Variants in LINGO2 observed in about 807,000 individuals in gnomAD.
LINGO2 encodes leucine-rich repeat and immunoglobulin-like domain-containing nogo receptor-interacting protein 2.
Under a neutral mutation model 30.6 loss-of-function variants are expected in LINGO2, and 14 were observed. The observed-to-expected ratio is 0.46, with a 90% confidence interval of 0.30 to 0.72. The LOEUF (loss-of-function observed/expected upper bound fraction) is 0.72, where lower values mean the gene tolerates loss of function less well. Ranked by LOEUF, LINGO2 falls within the 30% of genes least tolerant of loss-of-function variation. The pLI is 0.07. For synonymous variants in LINGO2, 317 were observed against 288.5 expected (o/e 1.10, Z -1.00); for missense variants, 729 against 751.7 (o/e 0.97, Z 0.35).
At chr9:29,184,137 T>G in the LINGO2 span, among the ~76,000 whole-genome samples, 7 of 152,288 alleles carry the variant, frequency 4.6e-5, no homozygotes, top group South Asian at 1.2e-3. Flanking sequence ...TGCTCAACTG[T>G]GCTCTGCTGT....
intron 4 of LINGO2, among the ~76,000 whole-genome samples, chr9:28,070,445 A>T (rs1184084153): frequency 2.0e-5 from 3 of 152,182 alleles, no homozygotes; most frequent in Non-Finnish European, 4.4e-5. Flanking sequence ...ATACATGTGC[A>T]AATAATCATT....
the LINGO2 span, among the ~76,000 whole-genome samples, chr9:29,074,879 T>C: frequency 6.6e-6 from 1 of 151,684 alleles, no homozygotes; most frequent in African/African-American, 2.4e-5. Flanking sequence ...GGCTTCACTG[T>C]GTTAGCCAGG....
At chr9:29,143,344 A>C in the LINGO2 span, among the ~76,000 whole-genome samples, 2 of 152,130 alleles carry the variant, frequency 1.3e-5, no homozygotes, top group Admixed American at 1.3e-4. Flanking sequence ...AACCAGAAAG[A>C]TTCCAAATAA....
the LINGO2 span, among the ~76,000 whole-genome samples, chr9:29,169,294 T>A: frequency 6.6e-6 from 1 of 152,114 alleles, no homozygotes. Flanking sequence ...GAAGAAATGT[T>A]AGAGACTATT....
the LINGO2 span, among the ~76,000 whole-genome samples, chr9:28,926,178 G>A: frequency 6.6e-6 from 1 of 152,166 alleles, no homozygotes; most frequent in Non-Finnish European, 1.5e-5. Flanking sequence ...GCCGGGGACA[G>A]TGGCGCATGC....
At chr9:28,005,000 G>A (rs1194629998) in intron 5 of LINGO2, among the ~76,000 whole-genome samples, 6 of 152,180 alleles carry the variant, frequency 3.9e-5, no homozygotes, top group Admixed American at 1.3e-4. Flanking sequence ...CATATGCAGC[G>A]AGGCTGCCTT....
chr9:28,328,181 A>C (rs1406284188), intron 3 of LINGO2, among the ~76,000 whole-genome samples: 1 of 152,200 alleles, frequency 6.6e-6, no homozygotes, highest in East Asian at 1.9e-4. Flanking sequence ...GTGTAGTAGA[A>C]ATGAGACAAC....
intron 3 of LINGO2, among the ~76,000 whole-genome samples, chr9:28,325,776 C>A (rs1587470435): frequency 6.6e-6 from 1 of 152,064 alleles, no homozygotes; most frequent in Non-Finnish European, 1.5e-5. Flanking sequence ...CCTTTATAGG[C>A]AGTGTGAAAA....
intron 1 of LINGO2, among the ~76,000 whole-genome samples, chr9:28,492,539 A>C (rs1826440078): frequency 6.6e-6 from 1 of 152,172 alleles, no homozygotes; most frequent in African/African-American, 2.4e-5. Context: ...GTCAAGCTTA[A>C]TGTTGGTTGT....
intron 2 of LINGO2, among the ~76,000 whole-genome samples, chr9:28,438,921 T>C (rs971800345): frequency 1.6e-5 from 2 of 127,702 alleles, no homozygotes; most frequent in African/African-American, 5.2e-5. Context: ...TAATGAAATA[T>C]ATATCTATAC....
At chr9:28,754,003 A>AAT in the LINGO2 span, among the ~76,000 whole-genome samples, 25 of 119,598 alleles carry the variant, frequency 2.1e-4, no homozygotes, top group Admixed American at 1.2e-3. Flanking sequence ...ATTAAATGAG[A>AAT]ATACACACAC....
rs560262557 is a variant in LINGO2 at position 28,487,244 on chromosome 9, T to C, written c.-364-11219A>G. ...TCTAAGAGTTTATAGAACACTGAAATCTTTTGATAAATATTCTTTTAGTAT... is the reference window on the plus strand; with the variant it reads ...TCTAAGAGTTTATAGAACACTGAAACCTTTTGATAAATATTCTTTTAGTAT... On this transcript the variant is annotated intron_variant, in intron 1 of 5. Coordinates refer to ENST00000379992, the Ensembl canonical transcript of LINGO2. 2.6e-5 allele frequency among the ~76,000 whole-genome samples: 4 copies of C among 152,246 alleles called. No homozygotes were observed. The East Asian group carries it at 7.7e-4, about 29-fold the overall frequency.
intron 1 of LINGO2, among the ~76,000 whole-genome samples, chr9:28,661,938 A>T (rs910753373): frequency 3.3e-5 from 5 of 152,136 alleles, no homozygotes; most frequent in African/African-American, 7.2e-5. Flanking sequence ...ACTCATGAGG[A>T]TGGCATATTT....
At chr9:28,119,843 A>G (rs1287786149) in intron 4 of LINGO2, among the ~76,000 whole-genome samples, 3 of 152,200 alleles carry the variant, frequency 2.0e-5, no homozygotes, top group Non-Finnish European at 2.9e-5. Context: ...ATGCACTATG[A>G]AAAATAAACA....
At chr9:28,181,948 A>T (rs879777965) in intron 4 of LINGO2, among the ~76,000 whole-genome samples, 1 of 152,154 alleles carries the variant, frequency 6.6e-6, no homozygotes, top group Non-Finnish European at 1.5e-5. Context: ...TCTTCACAGA[A>T]TTAGAAACAA....
At chr9:28,774,500 A>G in the LINGO2 span, among the ~76,000 whole-genome samples, 1 of 152,198 alleles carries the variant, frequency 6.6e-6, no homozygotes, top group Non-Finnish European at 1.5e-5. Flanking sequence ...ACACACACAC[A>G]TTATAGAAAA....
the LINGO2 span, among the ~76,000 whole-genome samples, chr9:28,896,460 T>C: frequency 6.0e-5 from 8 of 133,892 alleles, no homozygotes; most frequent in Non-Finnish European, 1.3e-4. Context: ...TAACTATGTA[T>C]GCACAAGCTA....
At chr9:28,084,381 A>G (rs1825852170) in intron 4 of LINGO2, among the ~76,000 whole-genome samples, 1 of 152,126 alleles carries the variant, frequency 6.6e-6, no homozygotes, top group Admixed American at 6.6e-5. Context: ...TAAGTAAAAT[A>G]TTTATAATAA....
chr9:28,865,470 G>A, the LINGO2 span, among the ~76,000 whole-genome samples: 1 of 152,058 alleles, frequency 6.6e-6, no homozygotes, highest in African/African-American at 2.4e-5. Flanking sequence ...TACATTTAGA[G>A]TTTGACATGG....
Sources: allele counts gnomAD v4.1 joint callset (sites outside exome capture counted in the v4.1 genomes callset), GRCh38; gene constraint gnomAD v4.1.1; transcripts MANE v1.5; gene names NCBI Gene and HGNC (gene_info 2026-07-23, HGNC 2026-07-21).